TASP1: variants seen among roughly 807,000 people sequenced by gnomAD.
The protein encoded by TASP1 is threonine aspartase 1.
In TASP1, 16 loss-of-function variants were observed where a neutral mutation model predicts 56.6. The ratio of observed to expected loss-of-function variants is 0.28; its 90% CI spans 0.19 to 0.43. The LOEUF is 0.43. Ranked by LOEUF, TASP1 falls within the 20% of genes least tolerant of loss-of-function variation. The pLI is 1.00. For missense variants in TASP1, 393 were observed against 511.6 expected, an observed-to-expected ratio of 0.77 and a Z score of 2.24; for synonymous variants, 179 against 184.2, an observed-to-expected ratio of 0.97 and a Z score of 0.23.
chr20:13,282,801 C>T, the TASP1 span, among the ~76,000 whole-genome samples: 36 of 152,152 alleles, frequency 2.4e-4, no homozygotes, highest in Non-Finnish European at 3.2e-4. Flanking sequence ...AATGCACCTT[C>T]GATGCAATAG....
At chr20:13,256,718 G>A in the TASP1 span, among the ~76,000 whole-genome samples, 4 of 152,130 alleles carry the variant, frequency 2.6e-5, no homozygotes, top group African/African-American at 4.8e-5. Flanking sequence ...CACTCTCCCC[G>A]ACAGCTGTTT....
At chr20:13,591,371 AC>A (rs2047526102) in intron 4 of TASP1, among the ~76,000 whole-genome samples, 1 of 152,178 alleles carries the variant, frequency 6.6e-6, no homozygotes, top group Non-Finnish European at 1.5e-5. Context: ...GTGAAAATGA[AC>A]AAAAATATTA....
At chr20:13,323,585 A>G in the TASP1 span, among the ~76,000 whole-genome samples, 9 of 152,226 alleles carry the variant, frequency 5.9e-5, no homozygotes, top group Admixed American at 2.0e-4. Context: ...TTTGTTAGGC[A>G]ACATATAGTA....
the TASP1 span, among the ~76,000 whole-genome samples, chr20:13,308,511 G>A: frequency 6.6e-6 from 1 of 152,088 alleles, no homozygotes; most frequent in Non-Finnish European, 1.5e-5. Flanking sequence ...ATAGCTGGAT[G>A]CATCAGTTTC....
At chr20:13,365,208 T>C in the TASP1 span, among the ~76,000 whole-genome samples, 18 of 152,322 alleles carry the variant, frequency 1.2e-4, no homozygotes, top group East Asian at 3.5e-3. Flanking sequence ...TCAACTTGGA[T>C]CTTTTATACT....
At chr20:13,351,113 A>T in the TASP1 span, among the ~76,000 whole-genome samples, 1 of 152,218 alleles carries the variant, frequency 6.6e-6, no homozygotes, top group Non-Finnish European at 1.5e-5. Context: ...AGGAATAGGA[A>T]ACTAAGTCCA....
chr20:13,360,505 A>C, the TASP1 span, among the ~76,000 whole-genome samples: 1 of 152,072 alleles, frequency 6.6e-6, no homozygotes, highest in African/African-American at 2.4e-5. Context: ...GCGCGGTCAG[A>C]ATTCTTACAC....
chr20:13,133,169 C>T, the TASP1 span: 1 of 152,320 alleles, frequency 6.6e-6, no homozygotes, highest in Non-Finnish European at 1.5e-5. Flanking sequence ...CTTTCCCTAT[C>T]ACTATTTGCC....
At chr20:13,463,783 C>T (rs1475949143) in intron 11 of TASP1, among the ~76,000 whole-genome samples, 2 of 151,822 alleles carry the variant, frequency 1.3e-5, no homozygotes, top group Admixed American at 1.3e-4. Context: ...AAAAAGCAAA[C>T]CAAAACCACA....
chr20:13,505,543 T>C (rs987843659), intron 10 of TASP1, among the ~76,000 whole-genome samples: 2 of 152,012 alleles, frequency 1.3e-5, no homozygotes, highest in Admixed American at 6.6e-5. Context: ...TCTTAACAAA[T>C]TTAAGAACAT....
the TASP1 span, chr20:13,110,116 A>G: frequency 2.5e-6 from 4 of 1,604,534 alleles, no homozygotes; most frequent in South Asian, 3.4e-5. Flanking sequence ...TTAAAGACAC[A>G]CAAAGCCTAG....
intron 4 of TASP1, among the ~76,000 whole-genome samples, chr20:13,603,180 G>C (rs1024341355): frequency 2.3e-4 from 35 of 149,322 alleles, no homozygotes; most frequent in African/African-American, 8.7e-4. Flanking sequence ...GCAGTGAGCT[G>C]AGATCACACC....
At chr20:13,277,110 T>G in the TASP1 span, among the ~76,000 whole-genome samples, 1 of 151,986 alleles carries the variant, frequency 6.6e-6, no homozygotes, top group South Asian at 2.1e-4. Context: ...AGGCAACAAG[T>G]CTATTTTGTT....
intron 10 of TASP1, among the ~76,000 whole-genome samples, chr20:13,527,925 T>C (rs926940087): frequency 5.3e-5 from 8 of 152,004 alleles, no homozygotes; most frequent in East Asian, 1.9e-4. Context: ...CAGAGTTGTA[T>C]TGAAAATGTT....
Position 13,597,258 on chromosome 20 carries a change from T to A in TASP1, c.283-9888A>T, listed in dbSNP as rs1349760127. ...AGAGGATTTTAGACCAATATCCTTGTTGAACATCGATGCAAAAATCCTCAA... is the reference window on the plus strand; with the variant it reads ...AGAGGATTTTAGACCAATATCCTTGATGAACATCGATGCAAAAATCCTCAA... On this transcript the variant is annotated intron_variant, in intron 4 of 13. Transcript: ENST00000337743. Among the ~76,000 whole-genome samples the A allele has an allele frequency of 5.3e-5, 8 of 152,108 alleles. No individual in the cohort carries two copies. In the South Asian group the frequency reaches 6.2e-4, roughly 12 times the overall value.
chr20:13,309,037 T>C, the TASP1 span, among the ~76,000 whole-genome samples: 1 of 152,208 alleles, frequency 6.6e-6, no homozygotes, highest in Non-Finnish European at 1.5e-5. Context: ...TATAGGCCAC[T>C]CAGTCTATGG....
intron 10 of TASP1, among the ~76,000 whole-genome samples, chr20:13,507,655 C>CAAAG (rs2044180494): frequency 6.6e-6 from 1 of 152,154 alleles, no homozygotes; most frequent in African/African-American, 2.4e-5. Context: ...CCATACTACC[C>CAAAG]AAAGTGATCC....
At chr20:13,613,680 A>C (rs2048426968) in intron 4 of TASP1, among the ~76,000 whole-genome samples, 1 of 152,098 alleles carries the variant, frequency 6.6e-6, no homozygotes, top group Non-Finnish European at 1.5e-5. Context: ...TAAGACATGC[A>C]TTACTGAGCT....
At chr20:13,360,834 C>G in the TASP1 span, among the ~76,000 whole-genome samples, 2 of 152,202 alleles carry the variant, frequency 1.3e-5, no homozygotes. Context: ...GATACCACAC[C>G]TGACCCCCAT....
Sources: allele counts gnomAD v4.1 joint callset (sites outside exome capture counted in the v4.1 genomes callset), GRCh38; gene constraint gnomAD v4.1.1; transcripts MANE v1.5; gene names NCBI Gene and HGNC (gene_info 2026-07-23, HGNC 2026-07-21).